Variants in REPS1 observed in about 807,000 individuals in gnomAD.
REPS1 encodes the protein ralBP1-associated Eps domain-containing protein 1.
Under a neutral mutation model 100.9 loss-of-function variants are expected in REPS1, and 39 were observed. The observed-to-expected ratio is 0.39, with a 90% CI of 0.30 to 0.50. REPS1 has a LOEUF of 0.50. REPS1 is among the 20% of genes least tolerant of loss of function. The probability of loss-of-function intolerance (pLI) is 0.86; values close to 1 mark genes in which losing one functional copy is unlikely to be tolerated. For missense variants in REPS1, 821 were observed against 968.5 expected, an observed-to-expected ratio of 0.85 and a Z score of 2.02; for synonymous variants, 324 against 340.3, an observed-to-expected ratio of 0.95 and a Z score of 0.53.
Position 138,911,352 on chromosome 6 carries a change from G to A in REPS1, c.1991C>T (p.Pro664Leu). The A allele has an allele frequency of 6.2e-7, 1 of 1,612,958 alleles. No homozygotes were observed. The highest frequency in any genetic ancestry group is 8.5e-7 in the Non-Finnish European group (1 of 1,179,118). The part of the protein sequence containing the change: ...EVLPAEKASD[P>L]ASSLRVAKTD... Reference sequence around the variant, plus strand: ...TTTGGCAACTCGAAGAGAACTTGCAGGATCAGAAGCTTTTTCAGCCTAAAA... The same window carrying A: ...TTTGGCAACTCGAAGAGAACTTGCAAGATCAGAAGCTTTTTCAGCCTAAAA... Residue 664 changes from proline to leucine, a missense_variant, in exon 17 of 20, where the codon CCT becomes CTT. Pro to Leu is a moderately conservative substitution (Grantham distance 98, BLOSUM62 -3). Around this residue, in one of 3 missense-constraint regions of REPS1, gnomAD observed 757 missense variants for 866.4 expected, o/e 0.87. Transcript: ENST00000450536.
chr6:138,934,229 TGCA>T (rs2128462025), intron 8 of REPS1: 1 of 439,928 alleles, frequency 2.3e-6, no homozygotes, highest in African/African-American at 2.0e-5. Flanking sequence ...TCTTACCTGA[TGCA>T]GTGTTCCAAC....
chr6:138,930,265 T>G (rs1454921954), intron 8 of REPS1, among the ~76,000 whole-genome samples, 167 bp from the exon 9 acceptor site: 2 of 152,206 alleles, frequency 1.3e-5, no homozygotes, highest in South Asian at 2.1e-4. Flanking sequence ...CAGACATTAC[T>G]TATTCCTGCT....
chr6:138,979,268 C>G (rs1232902637), intron 1 of REPS1, among the ~76,000 whole-genome samples: 1 of 151,454 alleles, frequency 6.6e-6, no homozygotes, highest in Admixed American at 6.6e-5. Context: ...CCTGACCACT[C>G]CTGCTTTCTC....
chr6:138,945,569 T>G lies in REPS1; in HGVS notation c.406A>C (p.Arg136=). 6.2e-7 allele frequency: 1 copy of G among 1,613,526 alleles called. No individual in the cohort carries two copies. The highest frequency in any genetic ancestry group is 8.5e-7 in the Non-Finnish European group (1 of 1,179,822). Residue 136 remains arginine, a synonymous_variant, in exon 3 of 20, where the codon AGG becomes CGG. Transcript: ENST00000450536. Reference sequence around the variant, plus strand: ...ACGGATCCCTTTTTCACTTGCCCCCTGCCAGGTGGTGGGGGAATTACACCA... The same window carrying G: ...ACGGATCCCTTTTTCACTTGCCCCCGGCCAGGTGGTGGGGGAATTACACCA... ...YSGVIPPPPG[R]GQVKKGSVSH...
chr6:138,953,681 CAAA>C (rs34741005), intron 1 of REPS1, among the ~76,000 whole-genome samples: 1,998 of 126,902 alleles, frequency 0.016, 45 homozygotes, highest in African/African-American at 0.052. Flanking sequence ...TGGCTATTAT[CAAA>C]AAAAAAAAAA....
intron 14 of REPS1, 62 bp downstream of exon 14, chr6:138,915,792 GTGTA>G: frequency 4.4e-6 from 5 of 1,134,524 alleles, no homozygotes; most frequent in Non-Finnish European, 6.6e-6. Flanking sequence ...AAAATAAAAT[GTGTA>G]TGTGTGTTGG....
intron 1 of REPS1, among the ~76,000 whole-genome samples, chr6:138,975,824 A>G (rs1784572702): frequency 6.6e-6 from 1 of 152,048 alleles, no homozygotes; most frequent in African/African-American, 2.4e-5. Context: ...ACAGAGCCAG[A>G]CTCCGTCTCA....
In REPS1 at chr6:138,945,686, G is replaced by C. The variant is rs1163732170; in HGVS notation, c.289C>G (p.Pro97Ala). ...VESINTVKDL[P>A]LPRFVASKNE... ...TTTGAAGCAACAAATCTTGGCAGAG[G>C]AAGGTCCTTTACTGTTAACCACAAA... is the stretch of plus-strand genomic sequence containing the variant. The change falls in exon 3 of 20, where the codon CCT becomes GCT. Residue 97 changes from proline (P) to alanine (A), a missense_variant. Around this residue, in one of 3 missense-constraint regions of REPS1, gnomAD observed 757 missense variants for 866.4 expected, o/e 0.87. Coordinates refer to ENST00000450536, the MANE Select transcript of REPS1 (RefSeq NM_001286611.2). 5.6e-6 allele frequency: 9 copies of C among 1,601,708 alleles called. No homozygotes were observed. In the East Asian group the frequency reaches 2.0e-4, roughly 36 times the overall value.
chr6:138,919,035 T>C (rs1042914397), intron 12 of REPS1, among the ~76,000 whole-genome samples: 5 of 152,172 alleles, frequency 3.3e-5, no homozygotes, highest in Admixed American at 6.5e-5. Context: ...ATGAACATAT[T>C]TCCATCTGGA....
At chr6:138,905,605 T>C (rs1259291829) in intron 19 of REPS1, among the ~76,000 whole-genome samples, 6 of 152,252 alleles carry the variant, frequency 3.9e-5, no homozygotes, top group Non-Finnish European at 1.5e-5. Flanking sequence ...TGTAGTCTCT[T>C]TATATGTTTA....
At chr6:138,965,087 C>T (rs1041127442) in intron 1 of REPS1, among the ~76,000 whole-genome samples, 31 of 152,100 alleles carry the variant, frequency 2.0e-4, no homozygotes, top group African/African-American at 6.0e-4. Flanking sequence ...GCTATAAATT[C>T]TTGCTTTAGG....
rs1779492516 is a variant in REPS1 at position 138,903,912 on chromosome 6, G to T, written c.*1152C>A. The T allele has an allele frequency of 6.6e-6, 1 of 152,094 alleles. No homozygotes were observed. The highest frequency in any genetic ancestry group is 1.5e-5 in the Non-Finnish European group (1 of 67,994). 9.4% of individuals were successfully genotyped at this position (152,094 alleles called of 1,614,324 possible). ...AACAAAGTCTATCGGTGCAGTTTAGGACTGTGAATCTATAGTATTTAAACA... is the reference window on the plus strand; with the variant it reads ...AACAAAGTCTATCGGTGCAGTTTAGTACTGTGAATCTATAGTATTTAAACA... On this transcript the variant is annotated 3_prime_UTR_variant, in exon 20 of 20. Transcript: ENST00000450536.
intron 1 of REPS1, 34 bp downstream of exon 1, chr6:138,987,496 T>C: frequency 6.5e-7 from 1 of 1,533,598 alleles, no homozygotes; most frequent in Admixed American, 2.0e-5. Flanking sequence ...ACTGCAGGCC[T>C]AAGCCGCCCG....
chr6:138,959,608 T>C (rs572444263), intron 1 of REPS1, among the ~76,000 whole-genome samples: 1 of 152,244 alleles, frequency 6.6e-6, no homozygotes, highest in East Asian at 1.9e-4. Flanking sequence ...GCATGCTATG[T>C]TTTTTGGTGC....
At chr6:138,914,789 TA>T in intron 14 of REPS1, 28 bp from the exon 15 acceptor site, 1 of 1,580,664 alleles carries the variant, frequency 6.3e-7, no homozygotes, top group Non-Finnish European at 8.7e-7. Context: ...TTCTTCTTTT[TA>T]GTAACTGTAT....
At chr6:138,938,631 TG>T (rs948761572) in intron 8 of REPS1, among the ~76,000 whole-genome samples, 1 of 151,870 alleles carries the variant, frequency 6.6e-6, no homozygotes, top group Non-Finnish European at 1.5e-5. Context: ...AGTACAGTGA[TG>T]GGGGAAAAAA....
intron 1 of REPS1, among the ~76,000 whole-genome samples, chr6:138,952,066 A>G (rs1783073226): frequency 6.6e-6 from 1 of 152,324 alleles, no homozygotes; most frequent in South Asian, 2.1e-4. Context: ...TTGTTGCTAT[A>G]ATACTGAAAA....
rs1779516268 is a variant in REPS1 at position 138,904,537 on chromosome 6, T to A, written c.*527A>T. On this transcript the variant is annotated 3_prime_UTR_variant, in exon 20 of 20. Coordinates refer to ENST00000450536, the MANE Select transcript of REPS1 (RefSeq NM_001286611.2). ...AGTTGACATGTAAAAGAGGCTTCAA[T>A]GTACCACATGATTTGTGAAGAATGT... The A allele has an allele frequency of 6.6e-6, 1 of 152,254 alleles. No homozygotes were observed. The highest frequency in any genetic ancestry group is 2.4e-5 in the African/African-American group (1 of 41,472). 9.4% of individuals were successfully genotyped at this position (152,254 alleles called of 1,614,324 possible). A position where few individuals can be genotyped will look rare whatever the true frequency, so the allele number is the denominator to read the frequency against.
chr6:138,986,642 T>C (rs1419455570), intron 1 of REPS1, among the ~76,000 whole-genome samples: 1 of 152,224 alleles, frequency 6.6e-6, no homozygotes, highest in South Asian at 2.1e-4. Context: ...ATATAAAAGA[T>C]GAAAGCTTAA....
Sources: allele counts gnomAD v4.1 joint callset (sites outside exome capture counted in the v4.1 genomes callset), GRCh38; gene constraint gnomAD v4.1.1; regional missense constraint gnomAD v4.1.1; transcripts MANE v1.5; gene names NCBI Gene and HGNC (gene_info 2026-07-23, HGNC 2026-07-21).